The following ULK4 variants were observed in gnomAD, a reference collection of about 807,000 sequenced individuals.
ULK4 encodes unc-51 like kinase 4, also known as inactive serine/threonine-protein kinase ULK4.
A neutral mutation model predicts 160.6 loss-of-function variants in ULK4; 133 were observed. The observed-to-expected ratio is 0.83, with a 90% CI of 0.72 to 0.96. The LOEUF (loss-of-function observed/expected upper bound fraction) is 0.96, where lower values mean the gene tolerates loss of function less well. ULK4 is among the 40% of genes least tolerant of loss of function. ULK4 has a pLI of 0.00. For synonymous variants in ULK4, 534 were observed against 539.8 expected, an observed-to-expected ratio of 0.99 and a Z score of 0.15; for missense variants, 1,580 against 1,499.5, an observed-to-expected ratio of 1.05 and a Z score of -0.89.
intron 35 of ULK4, among the ~76,000 whole-genome samples, chr3:41,369,791 C>T (rs1407244427): frequency 8.2e-6 from 1 of 121,638 alleles, no homozygotes; most frequent in Non-Finnish European, 1.7e-5. Flanking sequence ...GAGACTATGT[C>T]TCAAAAAAAA....
intron 22 of ULK4, among the ~76,000 whole-genome samples, chr3:41,742,288 T>C (rs1273992628): frequency 1.3e-5 from 2 of 151,856 alleles, no homozygotes; most frequent in Non-Finnish European, 2.9e-5. Flanking sequence ...CCTGGAGGGG[T>C]AGTGTCTATA....
At chr3:41,601,745 A>T (rs544898744) in intron 31 of ULK4, among the ~76,000 whole-genome samples, 1 of 152,334 alleles carries the variant, frequency 6.6e-6, no homozygotes, top group Non-Finnish European at 1.5e-5. Flanking sequence ...CATTCTTCAT[A>T]ACACCAGTGC....
intron 21 of ULK4, among the ~76,000 whole-genome samples, chr3:41,775,396 C>A (rs1050808261): frequency 6.9e-6 from 1 of 145,984 alleles, no homozygotes; most frequent in African/African-American, 2.6e-5. Context: ...ATGGTGACAA[C>A]TCCTTTTTTT....
At chr3:41,843,247 A>G (rs1169010690) in intron 17 of ULK4, among the ~76,000 whole-genome samples, 3 of 152,226 alleles carry the variant, frequency 2.0e-5, no homozygotes, top group Non-Finnish European at 4.4e-5. Context: ...TAAAACCAAA[A>G]TAAGATATCA....
At chr3:41,727,130 A>T (rs2037679499) in intron 22 of ULK4, among the ~76,000 whole-genome samples, 2 of 152,160 alleles carry the variant, frequency 1.3e-5, no homozygotes, top group African/African-American at 4.8e-5. Context: ...ACCTTTACGT[A>T]ACTCTGATCG....
chr3:41,263,811 G>T (rs2078985371), intron 35 of ULK4, among the ~76,000 whole-genome samples: 1 of 152,176 alleles, frequency 6.6e-6, no homozygotes, highest in African/African-American at 2.4e-5. Context: ...CAACTGTAAA[G>T]GATCCTACAA....
intron 35 of ULK4, among the ~76,000 whole-genome samples, chr3:41,287,716 T>A (rs2079489009): frequency 6.6e-6 from 1 of 152,178 alleles, no homozygotes; most frequent in Non-Finnish European, 1.5e-5. Flanking sequence ...TGAGATTTCC[T>A]CTCAACCAAG....
chr3:41,790,997 A>G (rs1370372599), intron 20 of ULK4, among the ~76,000 whole-genome samples: 1 of 152,242 alleles, frequency 6.6e-6, no homozygotes, highest in Non-Finnish European at 1.5e-5. Context: ...CCTTAATAAC[A>G]AAAAGATCAA....
chr3:41,691,283 C>T (rs1166264979), intron 27 of ULK4, among the ~76,000 whole-genome samples: 1 of 151,926 alleles, frequency 6.6e-6, no homozygotes, highest in Non-Finnish European at 1.5e-5. Context: ...CCAAGGGAAG[C>T]ATCAGGGGGA....
chr3:41,952,204 ACT>A (rs1237639676), intron 2 of ULK4, among the ~76,000 whole-genome samples: 5 of 152,234 alleles, frequency 3.3e-5, no homozygotes, highest in Non-Finnish European at 7.3e-5. Context: ...GACAAATGTG[ACT>A]CTGCAAAAAT....
At chr3:41,649,842 G>T (rs1202582359) in intron 30 of ULK4, among the ~76,000 whole-genome samples, 1 of 152,238 alleles carries the variant, frequency 6.6e-6, no homozygotes, top group Non-Finnish European at 1.5e-5. Context: ...CCTGAAGCCT[G>T]GTGACCGGCT....
chr3:41,713,676 A>G (rs1254277463), intron 25 of ULK4, among the ~76,000 whole-genome samples: 1 of 152,190 alleles, frequency 6.6e-6, no homozygotes, highest in Non-Finnish European at 1.5e-5. Flanking sequence ...GTTATTTTCC[A>G]TTTCCTAAAG....
At chr3:41,294,733 CAAGAA>C (rs529736366) in intron 35 of ULK4, among the ~76,000 whole-genome samples, 8 of 151,776 alleles carry the variant, frequency 5.3e-5, no homozygotes, top group Non-Finnish European at 1.0e-4. Flanking sequence ...AATGCAATAA[CAAGAA>C]AAGAAAATAA....
At chr3:41,521,241 C>G (rs543050809) in intron 32 of ULK4, among the ~76,000 whole-genome samples, 1 of 152,148 alleles carries the variant, frequency 6.6e-6, no homozygotes, top group South Asian at 2.1e-4. Context: ...CATTACTCAA[C>G]CTAACAGTCC....
chr3:41,521,216 T>C (rs1411914323), intron 32 of ULK4, among the ~76,000 whole-genome samples: 1 of 152,160 alleles, frequency 6.6e-6, no homozygotes, highest in Non-Finnish European at 1.5e-5. Context: ...TTAGTTTCTT[T>C]TTCCTACCAG....
chr3:41,789,931 A>G, intron 20 of ULK4, 88 bp from the exon 21 acceptor site: 1 of 1,222,328 alleles, frequency 8.2e-7, no homozygotes, highest in Non-Finnish European at 1.1e-6. Flanking sequence ...TGTGTCAAGG[A>G]GTAGAAGGTG....
At position 41,864,427 on chromosome 3, in the gene ULK4, G is replaced by A. The variant is rs184265579; in HGVS notation, c.1656+19447C>T. ...TTTCAGCGATATGAGATTAAAACCC[G>A]GTACTATGAGTGCTCACCGGATTTT... On this transcript the variant is annotated intron_variant, in intron 17 of 36. Transcript: ENST00000301831. Among the ~76,000 whole-genome samples, 179 of 152,050 alleles carry A rather than the reference G, an allele frequency of 1.2e-3. 1 individual carries two copies. Among genetic ancestry groups the A allele is most frequent in the African/African-American group, 3.5e-3 (144 of 41,486 alleles).
At chr3:41,496,475 A>C (rs547039843) in intron 32 of ULK4, among the ~76,000 whole-genome samples, 1 of 152,166 alleles carries the variant, frequency 6.6e-6, no homozygotes, top group East Asian at 1.9e-4. Context: ...TTTCTAGACT[A>C]AGGTACATGG....
At chr3:41,922,144 C>T (rs192045045) in intron 5 of ULK4, among the ~76,000 whole-genome samples, 2 of 152,196 alleles carry the variant, frequency 1.3e-5, no homozygotes, top group African/African-American at 2.4e-5. Context: ...CAGAGCAAGA[C>T]TCCATCGCAA....
Sources: allele counts gnomAD v4.1 joint callset (sites outside exome capture counted in the v4.1 genomes callset), GRCh38; gene constraint gnomAD v4.1.1; transcripts MANE v1.5; gene names NCBI Gene and HGNC (gene_info 2026-07-23, HGNC 2026-07-21).